The following FNIP1 variants were observed in gnomAD, a reference collection of about 807,000 sequenced individuals.
FNIP1 encodes folliculin-interacting protein 1.
A neutral mutation model predicts 124.5 loss-of-function variants in FNIP1; 40 were observed. That is an observed-to-expected ratio of 0.32 (90% CI 0.25 to 0.42). FNIP1 has a LOEUF of 0.42. Among genes scored for constraint, FNIP1 ranks in the 10% least tolerant of loss-of-function variants. The pLI is 1.00. For missense variants in FNIP1, 1,176 were observed against 1,403.7 expected (o/e 0.84, Z 2.59); for synonymous variants, 472 against 470.6 (o/e 1.00, Z -0.04).
intron 17 of FNIP1, among the ~76,000 whole-genome samples, chr5:131,646,777 C>G (rs981658761): frequency 1.3e-5 from 2 of 152,294 alleles, no homozygotes; most frequent in South Asian, 4.1e-4. Context: ...AGGGCAGATA[C>G]TTGGAATAAT....
At chr5:131,697,339 A>C (rs550797308) in intron 11 of FNIP1, among the ~76,000 whole-genome samples, 1 of 152,294 alleles carries the variant, frequency 6.6e-6, no homozygotes, top group African/African-American at 2.4e-5. Context: ...TGCCCAGGCT[A>C]GTCTCGAACT....
At chr5:131,720,915 C>A (rs1236559463) in intron 3 of FNIP1, among the ~76,000 whole-genome samples, 1 of 152,200 alleles carries the variant, frequency 6.6e-6, no homozygotes, top group African/African-American at 2.4e-5. Flanking sequence ...TGGAAAACAA[C>A]ATGGCAAGTC....
intron 6 of FNIP1, among the ~76,000 whole-genome samples, chr5:131,712,870 A>C (rs1769342940): frequency 6.6e-6 from 1 of 152,106 alleles, no homozygotes; most frequent in Admixed American, 6.5e-5. Flanking sequence ...TCTGATGTCT[A>C]TTCTCCCCAC....
chr5:131,738,491 T>C (rs1169437310), intron 2 of FNIP1, among the ~76,000 whole-genome samples: 1 of 152,098 alleles, frequency 6.6e-6, no homozygotes, highest in Non-Finnish European at 1.5e-5. Flanking sequence ...TTTTAACTCA[T>C]AGCTAGAAAT....
intron 1 of FNIP1, among the ~76,000 whole-genome samples, chr5:131,749,634 C>T (rs547229430): frequency 5.9e-5 from 9 of 152,160 alleles, no homozygotes; most frequent in South Asian, 4.2e-4. Context: ...TCAGGTGATC[C>T]GCCTGCCTCG....
intron 15 of FNIP1, among the ~76,000 whole-genome samples, chr5:131,665,080 A>C (rs992717528): frequency 6.6e-6 from 1 of 152,072 alleles, no homozygotes; most frequent in Non-Finnish European, 1.5e-5. Context: ...ACAGAATAAT[A>C]ATCATAACAA....
intron 1 of FNIP1, among the ~76,000 whole-genome samples, chr5:131,756,599 C>T (rs1771059267): frequency 1.3e-5 from 2 of 152,032 alleles, no homozygotes; most frequent in South Asian, 4.2e-4. Context: ...GGCAAGGGTG[C>T]CCCTAATGAA....
At chr5:131,652,863 C>T (rs1767081114) in intron 15 of FNIP1, among the ~76,000 whole-genome samples, 2 of 152,064 alleles carry the variant, frequency 1.3e-5, no homozygotes, top group Non-Finnish European at 2.9e-5. Flanking sequence ...ACTTAGGAGG[C>T]TGAGGTGGGA....
rs528917701 is a variant in FNIP1 at position 131,696,361 on chromosome 5, T to G, written c.1202+2556A>C. ...CACCCAAAATGTGATAATCTCAACC[T>G]TTATGGTTTAAGTATGAAGAAATGA... On this transcript the variant is annotated intron_variant, in intron 11 of 17. Coordinates refer to ENST00000510461, the MANE Select transcript of FNIP1 (RefSeq NM_133372.3). Among the ~76,000 whole-genome samples, 8 of 152,294 alleles carry G rather than the reference T, an allele frequency of 5.3e-5. No individual in the cohort carries two copies. In the South Asian group the frequency reaches 1.7e-3, roughly 32 times the overall value.
chr5:131,777,541 T>C (rs981661637), intron 1 of FNIP1, among the ~76,000 whole-genome samples: 10 of 152,092 alleles, frequency 6.6e-5, no homozygotes, highest in Admixed American at 5.9e-4. Flanking sequence ...CACAAAAACA[T>C]ATCATGACTG....
chr5:131,703,995 A>G (rs1027290404), intron 10 of FNIP1, 70 bp downstream of exon 10: 2 of 1,308,218 alleles, frequency 1.5e-6, no homozygotes, highest in African/African-American at 3.0e-5. Flanking sequence ...TGCCAAATTA[A>G]TAAATATAAT....
At chr5:131,759,509 T>A (rs920075144) in intron 1 of FNIP1, among the ~76,000 whole-genome samples, 10 of 152,142 alleles carry the variant, frequency 6.6e-5, no homozygotes, top group African/African-American at 2.4e-4. Context: ...TCATCATCAC[T>A]AATCATCAGA....
At chr5:131,725,059 T>A (rs1347016637) in intron 3 of FNIP1, among the ~76,000 whole-genome samples, 1 of 152,206 alleles carries the variant, frequency 6.6e-6, no homozygotes, top group Non-Finnish European at 1.5e-5. Flanking sequence ...CACTGGTCTA[T>A]GTATCTGTTT....
chr5:131,712,779 T>C (rs1412673529), intron 6 of FNIP1, among the ~76,000 whole-genome samples: 2 of 152,178 alleles, frequency 1.3e-5, no homozygotes, highest in Admixed American at 6.5e-5. Context: ...TTTCTAAGTG[T>C]GTAAAGGGTT....
chr5:131,690,725 C>T (rs1175025052), intron 11 of FNIP1, among the ~76,000 whole-genome samples: 1 of 152,156 alleles, frequency 6.6e-6, no homozygotes, highest in East Asian at 1.9e-4. Context: ...GTGTTAACTT[C>T]AGACAAAGCA....
chr5:131,720,104 A>G (rs563325734), intron 3 of FNIP1, among the ~76,000 whole-genome samples: 52 of 152,330 alleles, frequency 3.4e-4, no homozygotes, highest in African/African-American at 1.2e-3. Context: ...AAATTATACT[A>G]CAAAGCTACA....
At chr5:131,708,488 A>G (rs2149535263) in intron 8 of FNIP1, among the ~76,000 whole-genome samples, 1 of 152,248 alleles carries the variant, frequency 6.6e-6, no homozygotes, top group Non-Finnish European at 1.5e-5. Context: ...TTTTGCCTGG[A>G]TAACTGCTAT....
intron 1 of FNIP1, among the ~76,000 whole-genome samples, chr5:131,764,873 T>C (rs888770430): frequency 1.3e-5 from 2 of 152,108 alleles, no homozygotes; most frequent in Admixed American, 1.3e-4. Context: ...TCTATGACAC[T>C]ATACTTGGTG....
At chr5:131,744,215 AAAGT>A (rs1225278079) in intron 2 of FNIP1, among the ~76,000 whole-genome samples, 1 of 152,152 alleles carries the variant, frequency 6.6e-6, no homozygotes, top group Non-Finnish European at 1.5e-5. Context: ...GTTTGCTGAA[AAAGT>A]AATAAAAAAT....
Sources: allele counts gnomAD v4.1 joint callset (sites outside exome capture counted in the v4.1 genomes callset), GRCh38; gene constraint gnomAD v4.1.1; transcripts MANE v1.5; gene names NCBI Gene and HGNC (gene_info 2026-07-23, HGNC 2026-07-21).